The following HERC1 variants were observed in gnomAD, a reference collection of about 807,000 sequenced individuals.
The protein encoded by HERC1 is HECT and RLD domain containing E3 ubiquitin protein ligase family member 1, also known as probable E3 ubiquitin-protein ligase HERC1.
A neutral mutation model predicts 554.3 loss-of-function variants in HERC1; 160 were observed. The ratio of observed to expected loss-of-function variants is 0.29; its 90% CI spans 0.25 to 0.33. The LOEUF is 0.33. HERC1 is among the 10% of genes least tolerant of loss of function. The pLI, the probability that HERC1 is intolerant of heterozygous loss-of-function variation, is 1.00. For synonymous variants in HERC1, 2,175 were observed against 2,131.7 expected (o/e 1.02, Z -0.56); for missense variants, 4,919 against 5,918.5 (o/e 0.83, Z 5.54).
chr15:63,645,956 G>A (rs891850821), intron 55 of HERC1, among the ~76,000 whole-genome samples: 2 of 152,238 alleles, frequency 1.3e-5, no homozygotes, highest in Middle Eastern at 3.4e-3. Flanking sequence ...TGACTCAAAA[G>A]GGATATGTTA....
chr15:63,803,902 G>A (rs189129160), intron 1 of HERC1, among the ~76,000 whole-genome samples: 7 of 152,260 alleles, frequency 4.6e-5, no homozygotes, highest in African/African-American at 7.2e-5. Flanking sequence ...TAATCAAGAC[G>A]TGGTAGTGGC....
chr15:63,687,082 T>C (rs919857422), intron 33 of HERC1, among the ~76,000 whole-genome samples: 5 of 152,210 alleles, frequency 3.3e-5, no homozygotes, highest in East Asian at 3.8e-4. Flanking sequence ...GTGTGTCATA[T>C]TGTTTGAATT....
chr15:63,648,245 C>A (rs2069461447), intron 54 of HERC1, 46 bp from the exon 55 acceptor site: 2 of 1,535,216 alleles, frequency 1.3e-6, no homozygotes, highest in South Asian at 2.4e-5. Flanking sequence ...AATTATTTGT[C>A]ATTGTCTGAC....
In HERC1 at chr15:63,656,101, T is replaced by C; in HGVS notation, c.9857A>G (p.Gln3286Arg). The C allele has an allele frequency of 6.2e-7, 1 of 1,612,944 alleles. No individual in the cohort carries two copies. Among genetic ancestry groups the C allele is most frequent in the South Asian group, 1.1e-5 (1 of 90,810 alleles). The stretch of plus-strand genomic sequence containing the variant: ...AAAGTAGCTTACCTGTGTACACAAC[T>C]GTACAAGCAGTTTGGCAGCACTAGG... ...NAPSAAKLLV[Q>R]LCTQNLISAA... The change falls in exon 49 of 78, where the codon CAG (glutamine) becomes CGG (arginine). Residue 3286 changes from glutamine (Q) to arginine (R), a missense_variant. Physicochemically the swap from Gln to Arg is conservative, Grantham distance 43. This residue lies in a region of HERC1 where 1,963 missense variants were observed against 2,228.6 expected (regional missense o/e 0.88). Transcript: ENST00000443617.
At chr15:63,822,832 G>GA (rs1167956166) in intron 1 of HERC1, among the ~76,000 whole-genome samples, 6 of 152,080 alleles carry the variant, frequency 3.9e-5, no homozygotes, top group Non-Finnish European at 1.5e-5. Context: ...AATGTATTCA[G>GA]AAAATAGAGC....
chr15:63,642,950 A>G lies in HERC1; in HGVS notation c.11433+7T>C, dbSNP rs10519223. ...CACCCTATCATTTGATATAACTACAATATTACCTTTGATCTATTTGAGCAA... is the reference window on the plus strand; with the variant it reads ...CACCCTATCATTTGATATAACTACAGTATTACCTTTGATCTATTTGAGCAA... On this transcript the variant is annotated splice_region_variant and intron_variant, in intron 59 of 77. Coordinates refer to ENST00000443617, the MANE Select transcript of HERC1 (RefSeq NM_003922.4). 0.5 allele frequency: 754,986 copies of G among 1,503,708 alleles called. 198,114 individuals carry two copies. The highest frequency in any genetic ancestry group is 0.55 in the African/African-American group (39,762 of 72,656). The allele number at this position is 1,503,708 out of a possible 1,614,324, so 93.1% of individuals were successfully genotyped here.
intron 1 of HERC1, among the ~76,000 whole-genome samples, chr15:63,788,045 G>A (rs1239366954): frequency 1.3e-5 from 2 of 150,560 alleles, no homozygotes; most frequent in African/African-American, 4.9e-5. Context: ...AGGAAAGAAA[G>A]TTCAAGTGCA....
intron 66 of HERC1, 51 bp from the exon 67 acceptor site, chr15:63,634,021 C>T: frequency 6.2e-7 from 1 of 1,601,812 alleles, no homozygotes; most frequent in Non-Finnish European, 8.5e-7. Flanking sequence ...CTAAAACACA[C>T]TCCCCCGTTT....
At chr15:63,755,378 T>C (rs1053440658) in intron 5 of HERC1, 53 bp from the exon 6 acceptor site, 8 of 1,320,908 alleles carry the variant, frequency 6.1e-6, no homozygotes, top group Non-Finnish European at 8.7e-6. Context: ...AAACATATAG[T>C]CCGTATTTGA....
chr15:63,715,303 T>C (rs2073497535), intron 22 of HERC1, among the ~76,000 whole-genome samples: 1 of 152,236 alleles, frequency 6.6e-6, no homozygotes, highest in South Asian at 2.1e-4. Flanking sequence ...AGTTCCCAGA[T>C]GACTATCATT....
intron 10 of HERC1, among the ~76,000 whole-genome samples, chr15:63,748,987 A>G (rs1280951272): frequency 2.6e-5 from 4 of 152,066 alleles, no homozygotes; most frequent in African/African-American, 9.7e-5. Flanking sequence ...TTCAAAAACC[A>G]ACCAGATTGA....
rs555003029 is a variant in HERC1, at chr15:63,659,061, C to G, written c.9425-343G>C. Among the ~76,000 whole-genome samples, 3 of 152,276 alleles carry G rather than the reference C, an allele frequency of 2.0e-5. No homozygotes were observed. In the South Asian group the frequency reaches 6.2e-4, roughly 32 times the overall value. ...TTTATAAAGGACTGAATTACCAATA[C>G]TGCCCAATTCTTTATTTTGTATTCC... On this transcript the variant is annotated intron_variant, in intron 47 of 77. Transcript: ENST00000443617.
At position 63,630,604 on chromosome 15, in the gene HERC1, A is replaced by C. The variant is rs1410274082; in HGVS notation, c.12828T>G (p.Ala4276=). The change falls in exon 69 of 78, where the codon GCT becomes GCG. Residue 4276 remains alanine, a synonymous_variant. Transcript: ENST00000443617. ...DRLIGLPEGR[A]RNHNRPQQIP... is the part of the protein sequence containing the mutation. ...TTTGTTGCGGTCGATTGTGATTGCG[A>C]GCACGCCCCTCTGGCAAGCCTATCA... 1 of 1,612,900 alleles carries C rather than the reference A, an allele frequency of 6.2e-7. No homozygotes were observed. Among genetic ancestry groups the C allele is most frequent in the Admixed American group, 1.7e-5 (1 of 59,794 alleles).
At chr15:63,710,090 C>T (rs1276170787) in intron 24 of HERC1, among the ~76,000 whole-genome samples, 1 of 152,224 alleles carries the variant, frequency 6.6e-6, no homozygotes, top group African/African-American at 2.4e-5. Flanking sequence ...CAGAAGAATA[C>T]TGGTTCCAAA....
At chr15:63,701,624 G>T (rs1280917288) in intron 25 of HERC1, among the ~76,000 whole-genome samples, 9 of 152,146 alleles carry the variant, frequency 5.9e-5, no homozygotes. Flanking sequence ...TGGCCTCCTA[G>T]CTGTAGTCTG....
intron 47 of HERC1, 70 bp from the exon 48 acceptor site, chr15:63,658,788 T>C (rs953217161): frequency 3.5e-5 from 44 of 1,264,108 alleles, no homozygotes; most frequent in Non-Finnish European, 4.6e-5. Context: ...CTAAAAACAT[T>C]TCCTATTCTA....
intron 70 of HERC1, among the ~76,000 whole-genome samples, chr15:63,628,453 C>T (rs1320699861): frequency 6.6e-6 from 1 of 152,178 alleles, no homozygotes; most frequent in Non-Finnish European, 1.5e-5. Flanking sequence ...ATGTATTCTG[C>T]TTTTGGGAGT....
intron 1 of HERC1, among the ~76,000 whole-genome samples, chr15:63,810,934 T>C (rs1182783098): frequency 6.6e-6 from 1 of 152,180 alleles, no homozygotes; most frequent in Non-Finnish European, 1.5e-5. Flanking sequence ...AACTTGAATA[T>C]GTGATATTAA....
chr15:63,624,280 T>A lies in HERC1; in HGVS notation c.13323A>T (p.Gly4441=), dbSNP rs1224240646. The A allele has an allele frequency of 1.2e-6, 2 of 1,613,426 alleles. No homozygotes were observed. The highest frequency in any genetic ancestry group is 1.7e-5 in the Admixed American group (1 of 59,986). ...YNAGTWGIVQ[G]QLRPLLAPRV... ...TTGGGGCTAACAAAGGCCGAAGTTG[T>A]CCCTGTACAATGCCCCAAGTTCCAG... The change falls in exon 72 of 78, where the codon GGA becomes GGT. Residue 4441 remains glycine, a synonymous_variant. Coordinates refer to ENST00000443617, the MANE Select transcript of HERC1 (RefSeq NM_003922.4).
Sources: allele counts gnomAD v4.1 joint callset (sites outside exome capture counted in the v4.1 genomes callset), GRCh38; gene constraint gnomAD v4.1.1; regional missense constraint gnomAD v4.1.1; transcripts MANE v1.5; gene names NCBI Gene and HGNC (gene_info 2026-07-23, HGNC 2026-07-21).